The following KDM7A variants were observed in gnomAD, a reference collection of about 807,000 sequenced individuals.
KDM7A encodes the protein lysine demethylase 7A.
Under a neutral mutation model 114.8 loss-of-function variants are expected in KDM7A, and 28 were observed. That is an observed-to-expected ratio of 0.24 (90% CI 0.18 to 0.33). The LOEUF is 0.33. Among genes scored for constraint, KDM7A ranks in the 10% least tolerant of loss-of-function variants. The pLI, the probability that KDM7A is intolerant of heterozygous loss-of-function variation, is 1.00. For missense variants in KDM7A, 942 were observed against 1,142.5 expected, an observed-to-expected ratio of 0.82 and a Z score of 2.53; for synonymous variants, 423 against 397.8, an observed-to-expected ratio of 1.06 and a Z score of -0.75.
Position 140,106,862 on chromosome 7 carries a change from A to G in KDM7A, c.1428+4233T>C, listed in dbSNP as rs113641684. On this transcript the variant is annotated intron_variant, in intron 11 of 19. Coordinates refer to ENST00000397560, the MANE Select transcript of KDM7A (RefSeq NM_030647.2). ...TTCTTGTTAACTTTCTGTCTCGTTG[A>G]TCTGTCTAATGTTGACAGTGGGGTG... Among the ~76,000 whole-genome samples the G allele has an allele frequency of 8.6e-3, 1,302 of 152,268 alleles. 14 individuals carry two copies. The highest frequency in any genetic ancestry group is 0.03 in the African/African-American group (1,257 of 41,540).
At chr7:140,139,378 G>A (rs1794230376) in intron 1 of KDM7A, among the ~76,000 whole-genome samples, 188 bp from the exon 2 acceptor site, 1 of 152,094 alleles carries the variant, frequency 6.6e-6, no homozygotes, top group Non-Finnish European at 1.5e-5. Flanking sequence ...GAGTGTGAGG[G>A]AGAATATACT....
chr7:140,131,751 T>G (rs1818789979), intron 3 of KDM7A, among the ~76,000 whole-genome samples: 2 of 152,230 alleles, frequency 1.3e-5, no homozygotes, highest in Non-Finnish European at 2.9e-5. Flanking sequence ...ACATGTTTGG[T>G]GTTTTATTTC....
intron 9 of KDM7A, among the ~76,000 whole-genome samples, chr7:140,118,142 G>A (rs143199479): frequency 1.3e-5 from 2 of 152,296 alleles, no homozygotes; most frequent in East Asian, 3.9e-4. Flanking sequence ...TCTATTCTGA[G>A]AGTTGTCAAT....
intron 1 of KDM7A, among the ~76,000 whole-genome samples, chr7:140,172,662 A>G (rs1448015685): frequency 6.6e-6 from 1 of 152,206 alleles, no homozygotes; most frequent in South Asian, 2.1e-4. Context: ...CAAAAAAAAA[A>G]AAGTAGTAAA....
chr7:140,121,488 A>C (rs1408319922), intron 7 of KDM7A, among the ~76,000 whole-genome samples: 1 of 152,198 alleles, frequency 6.6e-6, no homozygotes, highest in Non-Finnish European at 1.5e-5. Context: ...CTTGAGCTTG[A>C]CCTTGAAACC....
chr7:140,161,550 T>G (rs1166057929), intron 1 of KDM7A, among the ~76,000 whole-genome samples: 2 of 152,138 alleles, frequency 1.3e-5, no homozygotes, highest in African/African-American at 4.8e-5. Flanking sequence ...TTTTGTTTTT[T>G]TTTTCTACGG....
At chr7:140,110,746 A>G (rs1326695604) in intron 11 of KDM7A, among the ~76,000 whole-genome samples, 1 of 151,924 alleles carries the variant, frequency 6.6e-6, no homozygotes, top group Non-Finnish European at 1.5e-5. Context: ...TTCACCTTAC[A>G]TTTCTTCTCT....
chr7:140,101,048 C>T (rs905949203), intron 12 of KDM7A, among the ~76,000 whole-genome samples: 6 of 151,344 alleles, frequency 4.0e-5, no homozygotes, highest in African/African-American at 1.5e-4. Flanking sequence ...TTATGTTGGC[C>T]TTAAACTCCT....
Position 140,124,620 on chromosome 7 carries a change from C to T in KDM7A, c.1051+1G>A. 1 of 1,604,946 alleles carries T rather than the reference C, an allele frequency of 6.2e-7. No individual in the cohort carries two copies. The highest frequency in any genetic ancestry group is 1.1e-5 in the South Asian group (1 of 89,054). The stretch of plus-strand genomic sequence containing the variant: ...AGTAGGGGATGGGATGAAAACCTTA[C>T]CTGTAGGAACAAATAAGGTATGTCC... On this transcript the variant is annotated splice_donor_variant, in intron 7 of 19. Transcript: ENST00000397560. LOFTEE classifies it high-confidence loss of function.
intron 1 of KDM7A, among the ~76,000 whole-genome samples, chr7:140,171,611 A>G (rs1794642741): frequency 7.3e-6 from 1 of 137,254 alleles, no homozygotes; most frequent in African/African-American, 2.7e-5. Context: ...ATATATTTAT[A>G]TTTTTACATA....
chr7:140,117,451 C>A (rs1818549524), intron 9 of KDM7A, among the ~76,000 whole-genome samples: 1 of 148,234 alleles, frequency 6.7e-6, no homozygotes, highest in African/African-American at 2.5e-5. Context: ...AACCACTGTG[C>A]ATCACCCCAA....
chr7:140,133,497 T>C (rs769198895), intron 3 of KDM7A, 42 bp downstream of exon 3: 1 of 1,154,924 alleles, frequency 8.7e-7, no homozygotes, highest in South Asian at 1.3e-5. Flanking sequence ...GACGACATTC[T>C]TACATTCTTA....
At chr7:140,131,490 T>C (rs896898947) in intron 3 of KDM7A, among the ~76,000 whole-genome samples, 2 of 152,224 alleles carry the variant, frequency 1.3e-5, no homozygotes, top group Non-Finnish European at 2.9e-5. Flanking sequence ...TCTGAATTAC[T>C]GGGCTCTGAT....
rs1794717868 is a variant in KDM7A at position 140,176,887 on chromosome 7, G to A, written c.51C>T (p.Ala17=). 5 of 1,203,002 alleles carry A rather than the reference G, an allele frequency of 4.2e-6. No individual in the cohort carries two copies. The highest frequency in any genetic ancestry group is 5.2e-6 in the Non-Finnish European group (5 of 959,324). 74.5% of individuals were successfully genotyped at this position (1,203,002 alleles called of 1,614,324 possible). The stretch of plus-strand genomic sequence containing the variant: ...GAGCCGCCACCGACACGGCTGCCGC[G>A]GCGGCTCCAGCTGCTGCTCCCGCGG... The part of the protein sequence containing the change: ...AVAAGAAAGA[A]AAAVSVAAPG... The change falls in exon 1 of 20, where the codon GCC becomes GCT. Residue 17 remains alanine, a synonymous_variant. Coordinates refer to ENST00000397560, the MANE Select transcript of KDM7A (RefSeq NM_030647.2). This position sits in a 1 kb window ranked among gnomAD's most constrained non-coding sequence, Gnocchi z 4.4.
chr7:140,119,831 T>C (rs1017133326), intron 8 of KDM7A, among the ~76,000 whole-genome samples: 3 of 152,192 alleles, frequency 2.0e-5, no homozygotes, highest in Non-Finnish European at 4.4e-5. Context: ...GTTACAAGAG[T>C]TACCACATTC....
At chr7:140,120,376 G>T in intron 8 of KDM7A, 66 bp downstream of exon 8, 1 of 902,712 alleles carries the variant, frequency 1.1e-6, no homozygotes, top group Non-Finnish European at 1.8e-6. Flanking sequence ...TTTTTTTTAA[G>T]TTAAAAAAAA....
chr7:140,172,828 A>G (rs528668597), intron 1 of KDM7A, among the ~76,000 whole-genome samples: 1 of 152,310 alleles, frequency 6.6e-6, no homozygotes, highest in Admixed American at 6.5e-5. Flanking sequence ...CATAGAAAGA[A>G]TTCCAATTTT....
In KDM7A at chr7:140,091,038, C is replaced by A. The variant is rs1818009264; in HGVS notation, c.*56G>T. The A allele has an allele frequency of 7.8e-7, 1 of 1,285,130 alleles. No individual in the cohort carries two copies. Among genetic ancestry groups the A allele is most frequent in the Admixed American group, 1.7e-5 (1 of 59,200 alleles). 79.6% of individuals were successfully genotyped at this position (1,285,130 alleles called of 1,614,324 possible). On this transcript the variant is annotated 3_prime_UTR_variant, in exon 20 of 20. Coordinates refer to ENST00000397560, the MANE Select transcript of KDM7A (RefSeq NM_030647.2). The stretch of plus-strand genomic sequence containing the variant: ...GCAGGGGGACAGCGGAAGCTCCAGG[C>A]TCCTGCACCCCTAGACTGGTCTCCA...
chr7:140,113,897 T>A lies in KDM7A; in HGVS notation c.1247-315A>T, dbSNP rs1585145845. On this transcript the variant is annotated intron_variant, in intron 9 of 19. Coordinates refer to ENST00000397560, the MANE Select transcript of KDM7A (RefSeq NM_030647.2). ...CTGGCTTCAAGCAGTCCTCCAGCCC[T>A]GGCCTTCCAAAGTGCTGGGATTATA... 2.0e-5 allele frequency among the ~76,000 whole-genome samples: 3 copies of A among 152,268 alleles called. No individual in the cohort carries two copies. The South Asian group carries it at 6.2e-4, about 32-fold the overall frequency.
Sources: gnomAD v4.1 joint callset for allele counts (sites outside exome capture counted in the v4.1 genomes callset) on GRCh38, gnomAD v4.1.1 for gene constraint, Gnocchi (gnomAD v3.1) non-coding constraint, MANE v1.5 for transcripts, NCBI Gene and HGNC (gene_info 2026-07-23, HGNC 2026-07-21) for gene names.